The following FRMD4A variants were observed in gnomAD, a reference collection of about 807,000 sequenced individuals.
The protein encoded by FRMD4A is FERM domain-containing protein 4A.
FRMD4A carries 29 observed loss-of-function variants against 129.1 expected under a neutral mutation model. The ratio of observed to expected loss-of-function variants is 0.22; its 90% CI spans 0.17 to 0.31. The LOEUF is 0.31. Ranked by LOEUF, FRMD4A falls within the 10% of genes least tolerant of loss-of-function variation. The pLI, the probability that FRMD4A is intolerant of heterozygous loss-of-function variation, is 1.00. For synonymous variants in FRMD4A, 634 were observed against 571.6 expected (o/e 1.11, Z -1.56); for missense variants, 1,272 against 1,375.8 (o/e 0.92, Z 1.19).
intron 2 of FRMD4A, among the ~76,000 whole-genome samples, chr10:13,875,842 A>G (rs1397908855): frequency 1.3e-5 from 2 of 152,172 alleles, no homozygotes; most frequent in African/African-American, 4.8e-5. Context: ...GGAGGCTATT[A>G]TTGATTATAT....
chr10:14,205,104 C>T (rs1842745344), intron 2 of FRMD4A, among the ~76,000 whole-genome samples: 1 of 148,308 alleles, frequency 6.7e-6, no homozygotes, highest in African/African-American at 2.5e-5. Context: ...CAGTGTAAAC[C>T]AAAATCTTAC....
At chr10:13,761,992 C>T (rs948365649) in intron 7 of FRMD4A, among the ~76,000 whole-genome samples, 3 of 152,172 alleles carry the variant, frequency 2.0e-5, no homozygotes, top group Non-Finnish European at 4.4e-5. Flanking sequence ...CTGGATAGAA[C>T]TGTCGATTTC....
At chr10:14,059,547 G>T (rs1219580612) in intron 2 of FRMD4A, among the ~76,000 whole-genome samples, 1 of 152,190 alleles carries the variant, frequency 6.6e-6, no homozygotes, top group Admixed American at 6.5e-5. Context: ...CCTTAAGCAA[G>T]GAAGAGAGCT....
At chr10:13,661,794 A>G (rs2082658932) in intron 19 of FRMD4A, among the ~76,000 whole-genome samples, 1 of 152,100 alleles carries the variant, frequency 6.6e-6, no homozygotes, top group Non-Finnish European at 1.5e-5. Context: ...AGGGGAAAAA[A>G]GCACAGAAGC....
chr10:13,899,548 C>CT (rs1258057639), intron 2 of FRMD4A, among the ~76,000 whole-genome samples: 27 of 152,140 alleles, frequency 1.8e-4, no homozygotes, highest in Non-Finnish European at 2.2e-4. Context: ...AATTCCAGCA[C>CT]TTTTTCTGGC....
chr10:13,835,171 G>C (rs1053822650), intron 3 of FRMD4A, among the ~76,000 whole-genome samples: 1 of 152,196 alleles, frequency 6.6e-6, no homozygotes, highest in Non-Finnish European at 1.5e-5. Flanking sequence ...ACTTGGCTTT[G>C]AGCCCAGTTA....
intron 3 of FRMD4A, among the ~76,000 whole-genome samples, chr10:13,812,029 C>T (rs573734502): frequency 1.1e-4 from 17 of 151,906 alleles, no homozygotes; most frequent in Non-Finnish European, 2.5e-4. Flanking sequence ...ACTACAGGTG[C>T]GTGCCACCAT....
chr10:13,823,400 T>C (rs918509257), intron 3 of FRMD4A, among the ~76,000 whole-genome samples: 3 of 152,204 alleles, frequency 2.0e-5, no homozygotes, highest in African/African-American at 7.2e-5. Context: ...AATGAAATGA[T>C]AACTGTTTCG....
chr10:14,038,975 T>G (rs191581640), intron 2 of FRMD4A, among the ~76,000 whole-genome samples: 3 of 152,222 alleles, frequency 2.0e-5, no homozygotes, highest in East Asian at 1.9e-4. Context: ...AAAGGGCCAG[T>G]GTGGACACCG....
intron 12 of FRMD4A, among the ~76,000 whole-genome samples, chr10:13,737,524 C>T (rs561393527): frequency 6.6e-6 from 1 of 152,138 alleles, no homozygotes; most frequent in Non-Finnish European, 1.5e-5. Context: ...CCAAAGAATA[C>T]AGCCCTGCCC....
Position 13,900,757 on chromosome 10 carries a change from C to G in FRMD4A, c.46-41845G>C, listed in dbSNP as rs575382583. Among the ~76,000 whole-genome samples the G allele has an allele frequency of 9.4e-3, 1,428 of 152,024 alleles. 13 individuals carry two copies. Among genetic ancestry groups the G allele is most frequent in the South Asian group, 0.027 (130 of 4,802 alleles). ...ACTAAAAATACAAAAATTAGCCAGGCGTGTTGGCAGGTGCCTGTAATCCCA... is the reference window on the plus strand; with the variant it reads ...ACTAAAAATACAAAAATTAGCCAGGGGTGTTGGCAGGTGCCTGTAATCCCA... On this transcript the variant is annotated intron_variant, in intron 2 of 24. Coordinates refer to ENST00000357447, the MANE Select transcript of FRMD4A (RefSeq NM_018027.5).
chr10:14,132,488 C>T (rs1839312262), intron 2 of FRMD4A, among the ~76,000 whole-genome samples: 1 of 152,110 alleles, frequency 6.6e-6, no homozygotes, highest in African/African-American at 2.4e-5. Flanking sequence ...CTTTTAATGT[C>T]CACGACTGAA....
chr10:13,944,424 G>A (rs985596915), intron 2 of FRMD4A, among the ~76,000 whole-genome samples: 8 of 151,784 alleles, frequency 5.3e-5, no homozygotes, highest in African/African-American at 1.9e-4. Flanking sequence ...CAAATTCAGG[G>A]TTCCCACTGA....
intron 2 of FRMD4A, among the ~76,000 whole-genome samples, chr10:14,073,988 G>C (rs922900433): frequency 6.6e-6 from 1 of 152,166 alleles, no homozygotes; most frequent in Non-Finnish European, 1.5e-5. Flanking sequence ...GTGTGTGCCT[G>C]TAATCCCAGC....
At chr10:14,196,993 C>T (rs1589154807) in intron 2 of FRMD4A, among the ~76,000 whole-genome samples, 2 of 152,148 alleles carry the variant, frequency 1.3e-5, no homozygotes, top group African/African-American at 4.8e-5. Context: ...TGGAAACCAA[C>T]GAATTGGGTG....
chr10:14,287,063 G>A (rs151141723), intron 2 of FRMD4A, among the ~76,000 whole-genome samples: 6 of 152,106 alleles, frequency 3.9e-5, no homozygotes, highest in South Asian at 2.1e-4. Flanking sequence ...TGCAAAGCAG[G>A]CAAAGTCTAT....
chr10:14,071,138 A>G (rs1835299888), intron 2 of FRMD4A, among the ~76,000 whole-genome samples: 1 of 152,250 alleles, frequency 6.6e-6, no homozygotes. Context: ...TCTGATGCCT[A>G]TGTGGCTGTT....
chr10:14,055,461 AAAC>A (rs1834475518), intron 2 of FRMD4A, among the ~76,000 whole-genome samples: 8 of 23,068 alleles, frequency 3.5e-4, no homozygotes, highest in South Asian at 2.1e-3. Context: ...ACACACACAC[AAAC>A]ACACACACAC....
intron 2 of FRMD4A, among the ~76,000 whole-genome samples, chr10:14,226,486 C>T (rs1030802872): frequency 6.6e-6 from 1 of 152,142 alleles, no homozygotes; most frequent in African/African-American, 2.4e-5. Context: ...GTTCTGGAAG[C>T]AAGAAATGCA....
Sources: gnomAD v4.1 joint callset for allele counts (sites outside exome capture counted in the v4.1 genomes callset) on GRCh38, gnomAD v4.1.1 for gene constraint, MANE v1.5 for transcripts, NCBI Gene and HGNC (gene_info 2026-07-23, HGNC 2026-07-21) for gene names.